The following ROBO2 variants were observed in gnomAD, a reference collection of about 807,000 sequenced individuals.
The protein encoded by ROBO2 is roundabout homolog 2.
Under a neutral mutation model 160.8 loss-of-function variants are expected in ROBO2, and 53 were observed. The observed-to-expected ratio is 0.33, with a 90% confidence interval of 0.26 to 0.41. The LOEUF (loss-of-function observed/expected upper bound fraction) is 0.41. Among genes scored for constraint, ROBO2 ranks in the 10% least tolerant of loss-of-function variants. ROBO2 has a pLI of 1.00. For synonymous variants in ROBO2, 664 were observed against 611.7 expected (o/e 1.09, Z -1.26); for missense variants, 1,577 against 1,722.4 (o/e 0.92, Z 1.49).
chr3:76,390,766 T>C (rs145010063), intron 2 of ROBO2, among the ~76,000 whole-genome samples: 3 of 152,324 alleles, frequency 2.0e-5, no homozygotes, highest in African/African-American at 7.2e-5. Context: ...AAAATGTTGG[T>C]CTTGCCCCTC....
intron 2 of ROBO2, among the ~76,000 whole-genome samples, chr3:76,005,413 CTA>C (rs1384045911): frequency 6.6e-6 from 1 of 152,086 alleles, no homozygotes; most frequent in East Asian, 1.9e-4. Flanking sequence ...CTGAAGATTC[CTA>C]TGTTTTTGTT....
At chr3:77,504,075 G>T (rs2153610378) in intron 5 of ROBO2, among the ~76,000 whole-genome samples, 1 of 152,288 alleles carries the variant, frequency 6.6e-6, no homozygotes, top group Non-Finnish European at 1.5e-5. Flanking sequence ...CATATTTGGA[G>T]GTGGGAGGTT....
chr3:76,415,507 A>G lies in ROBO2; in HGVS notation c.109+477905A>G, dbSNP rs141877499. ...ATCATAAGTACTAAATATTTTAATA[A>G]TGACTTCATAATCTCTATCAAGTTG... On this transcript the variant is annotated intron_variant, in intron 2 of 26. Coordinates refer to the ROBO2 transcript ENST00000487694. Among the ~76,000 whole-genome samples the G allele has an allele frequency of 7.2e-3, 1,093 of 152,278 alleles. 11 individuals are homozygous for G. The highest frequency in any genetic ancestry group is 0.049 in the South Asian group (237 of 4,832).
At chr3:76,577,805 C>G (rs924805465) in intron 2 of ROBO2, among the ~76,000 whole-genome samples, 1 of 152,060 alleles carries the variant, frequency 6.6e-6, no homozygotes, top group African/African-American at 2.4e-5. Context: ...TTATTAATAT[C>G]TGAAGAATCA....
At chr3:77,087,757 TA>T in intron 1 of ROBO2, among the ~76,000 whole-genome samples, 1 of 151,442 alleles carries the variant, frequency 6.6e-6, no homozygotes, top group South Asian at 2.1e-4. Context: ...TACATATACA[TA>T]TGTGTGTATA....
chr3:75,999,926 A>G (rs1232766464), intron 2 of ROBO2, among the ~76,000 whole-genome samples: 1 of 152,240 alleles, frequency 6.6e-6, no homozygotes, highest in Non-Finnish European at 1.5e-5. Flanking sequence ...TGTGCTTGCT[A>G]GTTGGATCTG....
chr3:76,456,970 C>T (rs1577329410), intron 2 of ROBO2, among the ~76,000 whole-genome samples: 1 of 152,270 alleles, frequency 6.6e-6, no homozygotes, highest in East Asian at 1.9e-4. Flanking sequence ...TCAATTACCT[C>T]CTTGTGGGTT....
intron 2 of ROBO2, among the ~76,000 whole-genome samples, chr3:76,297,314 A>G (rs1709124028): frequency 6.6e-6 from 1 of 152,246 alleles, no homozygotes; most frequent in South Asian, 2.1e-4. Flanking sequence ...ACCTACTTGG[A>G]GAAGCTGCCA....
In ROBO2 at chr3:76,042,354, A is replaced by G. The variant is rs78337280; in HGVS notation, c.109+104752A>G. On this transcript the variant is annotated intron_variant, in intron 2 of 26. Coordinates refer to the ROBO2 transcript ENST00000487694. ...CAGGTGTGCACAGGTATGTGCGAAT[A>G]TCAGAGATTAAAATAGAAACTGAAC... is the stretch of plus-strand genomic sequence containing the variant. 7.1e-3 allele frequency among the ~76,000 whole-genome samples: 1,082 copies of G among 152,198 alleles called. 34 individuals carry two copies. The highest frequency in any genetic ancestry group is 0.024 in the African/African-American group (988 of 41,434).
rs1183784 is a variant in ROBO2, at chr3:76,817,832, T to C, written c.110-280182T>C. Among the ~76,000 whole-genome samples the C allele has an allele frequency of 8.3e-3, 1,112 of 134,640 alleles. 12 individuals are homozygous for C. Among genetic ancestry groups the C allele is most frequent in the African/African-American group, 0.027 (1,008 of 37,424 alleles). 88.3% of individuals were successfully genotyped at this position (134,640 alleles called of 152,430 possible). Reference sequence around the variant, plus strand: ...CAAATGCCATTATTTCATTCCTTTTTTTTTTTTTTTTTTGGCTGAGTAGTA... The same window carrying C: ...CAAATGCCATTATTTCATTCCTTTTCTTTTTTTTTTTTTGGCTGAGTAGTA... On this transcript the variant is annotated intron_variant, in intron 2 of 26. Coordinates refer to the ROBO2 transcript ENST00000487694.
intron 2 of ROBO2, among the ~76,000 whole-genome samples, chr3:76,018,906 G>T (rs1045769966): frequency 2.0e-5 from 3 of 151,524 alleles, no homozygotes; most frequent in Non-Finnish European, 4.4e-5. Flanking sequence ...ACATGGTTCG[G>T]TTTTCTCTGA....
chr3:76,325,617 G>A (rs2072948793), intron 2 of ROBO2, among the ~76,000 whole-genome samples: 1 of 151,912 alleles, frequency 6.6e-6, no homozygotes, highest in African/African-American at 2.4e-5. Context: ...CAGTTTATAA[G>A]CCAAAGCAGG....
At chr3:76,893,882 A>G (rs905573517) in intron 2 of ROBO2, among the ~76,000 whole-genome samples, 1 of 152,076 alleles carries the variant, frequency 6.6e-6, no homozygotes, top group African/African-American at 2.4e-5. Flanking sequence ...CCTTTATAAG[A>G]TCAACTTTTT....
At chr3:76,321,438 A>T (rs2107887175) in intron 2 of ROBO2, among the ~76,000 whole-genome samples, 1 of 152,190 alleles carries the variant, frequency 6.6e-6, no homozygotes, top group South Asian at 2.1e-4. Flanking sequence ...AGGAGGCGGA[A>T]GTTGCAGTAA....
chr3:77,508,106 G>A (rs1371842039), intron 5 of ROBO2, among the ~76,000 whole-genome samples: 1 of 151,712 alleles, frequency 6.6e-6, no homozygotes, highest in Non-Finnish European at 1.5e-5. Context: ...GTAGAAAGAA[G>A]AAGTACATGA....
At chr3:77,413,032 C>A (rs1191440804) in intron 2 of ROBO2, among the ~76,000 whole-genome samples, 3 of 152,098 alleles carry the variant, frequency 2.0e-5, no homozygotes, top group African/African-American at 7.2e-5. Flanking sequence ...TATAGCACAA[C>A]CCCCATCTCT....
chr3:76,044,239 A>T (rs561886756), intron 2 of ROBO2, among the ~76,000 whole-genome samples: 1 of 152,076 alleles, frequency 6.6e-6, no homozygotes, highest in Non-Finnish European at 1.5e-5. Context: ...AGCTGGAACC[A>T]AGTTATCACG....
chr3:77,195,098 C>T (rs11914371), intron 2 of ROBO2, among the ~76,000 whole-genome samples: 1,915 of 152,172 alleles, frequency 0.013, 39 homozygotes, highest in African/African-American at 0.043. Flanking sequence ...TGCCTAACCA[C>T]CCCTTCAAAT....
In ROBO2 at chr3:76,725,696, A is replaced by T. The variant is rs184053483; in HGVS notation, c.110-372318A>T. 1.3e-4 allele frequency among the ~76,000 whole-genome samples: 20 copies of T among 152,234 alleles called. No individual in the cohort carries two copies. In the East Asian group the frequency reaches 3.5e-3, roughly 27 times the overall value. ...CATATTTTGGCCTTTGGAGCAGCCA[A>T]AGTTCTAGTTGGATCAAAGGCAGGT... On this transcript the variant is annotated intron_variant, in intron 2 of 26. Coordinates refer to the ROBO2 transcript ENST00000487694.
Sources: gnomAD v4.1 joint callset for allele counts (sites outside exome capture counted in the v4.1 genomes callset) on GRCh38, gnomAD v4.1.1 for gene constraint, MANE v1.5 for transcripts, NCBI Gene and HGNC (gene_info 2026-07-23, HGNC 2026-07-21) for gene names.